ZMYM1: variants seen among roughly 807,000 people sequenced by gnomAD.
The protein encoded by ZMYM1 is zinc finger MYM-type containing 1.
A neutral mutation model predicts 60.0 loss-of-function variants in ZMYM1; 39 were observed. The observed-to-expected ratio is 0.65, with a 90% CI of 0.50 to 0.85. The LOEUF (loss-of-function observed/expected upper bound fraction) is 0.85, where lower values mean the gene tolerates loss of function less well. Ranked by LOEUF, ZMYM1 falls within the 40% of genes least tolerant of loss-of-function variation. The pLI is 0.00. For missense variants in ZMYM1, 1,171 were observed against 1,309.5 expected, an observed-to-expected ratio of 0.89 and a Z score of 1.63; for synonymous variants, 413 against 454.0, an observed-to-expected ratio of 0.91 and a Z score of 1.15.
chr1:35,091,508 G>T (rs369982329), intron 1 of ZMYM1, among the ~76,000 whole-genome samples: 112 of 152,068 alleles, frequency 7.4e-4, no homozygotes, highest in African/African-American at 2.6e-3. Context: ...CCACTGCCCC[G>T]GCCAAGTGGA....
At chr1:35,103,756 G>A (rs1168856317) in intron 4 of ZMYM1, among the ~76,000 whole-genome samples, 1 of 152,140 alleles carries the variant, frequency 6.6e-6, no homozygotes, top group African/African-American at 2.4e-5. Flanking sequence ...CGGTGAAAAA[G>A]CAAATAACAT....
At chr1:35,103,020 A>C (rs1246896083) in intron 4 of ZMYM1, among the ~76,000 whole-genome samples, 3 of 152,216 alleles carry the variant, frequency 2.0e-5, no homozygotes, top group Non-Finnish European at 4.4e-5. Flanking sequence ...GAATAACATG[A>C]ATATTAGCAC....
intron 6 of ZMYM1, 137 bp downstream of exon 6, chr1:35,104,906 A>G (rs1269781550): frequency 3.1e-6 from 2 of 640,396 alleles, no homozygotes; most frequent in East Asian, 2.8e-5. Flanking sequence ...AAGGCTTTTA[A>G]CGGTTTCTTC....
At chr1:35,116,656 C>T (rs965109324), downstream of ZMYM1, among the ~76,000 whole-genome samples, 4 of 151,762 alleles carry the variant, frequency 2.6e-5, no homozygotes, top group Non-Finnish European at 5.9e-5. Flanking sequence ...TGGGGTTTCA[C>T]CATGTTAGCC....
intron 1 of ZMYM1, among the ~76,000 whole-genome samples, chr1:35,061,270 C>T (rs1427406247): frequency 6.6e-6 from 1 of 152,176 alleles, no homozygotes; most frequent in East Asian, 1.9e-4. Context: ...TTAATCCTCA[C>T]CATAACTCAA....
intron 1 of ZMYM1, among the ~76,000 whole-genome samples, chr1:35,084,540 T>C (rs181306087): frequency 2.6e-5 from 4 of 152,354 alleles, no homozygotes; most frequent in African/African-American, 9.6e-5. Flanking sequence ...TGTCCTTTCT[T>C]CTTGGAAGTG....
intron 1 of ZMYM1, among the ~76,000 whole-genome samples, chr1:35,083,741 T>C (rs1403585324): frequency 1.3e-5 from 2 of 152,084 alleles, no homozygotes; most frequent in Non-Finnish European, 2.9e-5. Flanking sequence ...AGCCTCAGCC[T>C]CCCACATAGC....
In ZMYM1 at chr1:35,097,303, TTG is replaced by T. The variant is rs373707884; in HGVS notation, c.170-10_170-9del. The T allele has an allele frequency of 4.0e-4, 633 of 1,564,746 alleles. 5 individuals carry two copies. In the African/African-American group the frequency reaches 5.6e-3, roughly 14 times the overall value. ...AAATAACAATTTTTTTTTCTCCCTCTTGTGTTTTTATAGCTTCACAGTTGACT... is the reference window on the plus strand; with the variant it reads ...AAATAACAATTTTTTTTTCTCCCTCTTGTTTTTATAGCTTCACAGTTGACT... On this transcript the variant is annotated splice_polypyrimidine_tract_variant and intron_variant, in intron 3 of 9. Coordinates refer to ENST00000359858, the MANE Select transcript of ZMYM1 (RefSeq NM_024772.5).
chr1:35,106,977 G>A (rs1643911390), intron 6 of ZMYM1, among the ~76,000 whole-genome samples: 1 of 151,582 alleles, frequency 6.6e-6, no homozygotes, highest in South Asian at 2.1e-4. Flanking sequence ...TCAGCCTCGC[G>A]AGCAGCTGGG....
intron 1 of ZMYM1, among the ~76,000 whole-genome samples, chr1:35,091,857 C>T (rs1643024379): frequency 7.6e-6 from 1 of 131,384 alleles, no homozygotes; most frequent in South Asian, 2.5e-4. Context: ...GATAGTGCCA[C>T]TGCCTGAGTG....
rs1643396587 is a variant in ZMYM1, at chr1:35,097,482, T to C, written c.335T>C (p.Phe112Ser). Reference sequence around the variant, plus strand: ...CAGAGGAAAGGATCTGCTCAACTTTTCTGCTCCATACCATGCATCACTGAA... The same window carrying C: ...CAGAGGAAAGGATCTGCTCAACTTTCCTGCTCCATACCATGCATCACTGAA... Reference protein sequence around the residue: ...AYQRKGSAQLFCSIPCITEYI... With the variant: ...AYQRKGSAQLSCSIPCITEYI... Residue 112 changes from phenylalanine to serine, a missense_variant, in exon 4 of 10, where the codon TTC becomes TCC. Transcript: ENST00000359858. 1 of 1,614,094 alleles carries C rather than the reference T, an allele frequency of 6.2e-7. No homozygotes were observed.
chr1:35,095,439 C>T (rs964574944), intron 2 of ZMYM1, among the ~76,000 whole-genome samples: 4 of 145,656 alleles, frequency 2.7e-5, no homozygotes, highest in Admixed American at 1.4e-4. Flanking sequence ...TATAGTGAGA[C>T]GAGATCGCGT....
chr1:35,074,845 A>G (rs59940076), upstream of ZMYM1, among the ~76,000 whole-genome samples: 24,471 of 137,426 alleles, frequency 0.18, 4,184 homozygotes, highest in African/African-American at 0.44. Context: ...CTGGTGTTGG[A>G]CACATATATA....
At chr1:35,094,320 T>A (rs1309587760) in intron 2 of ZMYM1, among the ~76,000 whole-genome samples, 1 of 152,240 alleles carries the variant, frequency 6.6e-6, no homozygotes, top group Admixed American at 6.5e-5. Flanking sequence ...AAGGATTGTT[T>A]AGGGTGTTGT....
chr1:35,116,835 A>ATTTTTT (rs10671957), downstream of ZMYM1, among the ~76,000 whole-genome samples: 65 of 88,962 alleles, frequency 7.3e-4, 12 homozygotes, highest in Admixed American at 1.9e-3. Flanking sequence ...TAGGCCTGGA[A>ATTTTTT]TTTTTTTTTT....
chr1:35,114,003 A>C lies in ZMYM1; in HGVS notation c.2173A>C (p.Lys725Gln). Reference sequence around the variant, plus strand: ...TGATAGCACCACTAATTTGAAGATAAAATTTAATAAAATAGCAGCAGAATT... The same window carrying C: ...TGATAGCACCACTAATTTGAAGATACAATTTAATAAAATAGCAGCAGAATT... ...AYDSTTNLKI[K>Q]FNKIAAEFKK... Residue 725 changes from lysine (K) to glutamine (Q), a missense_variant, in exon 10 of 10, where the codon AAA becomes CAA. By Grantham distance (53) the Lys-to-Gln change is moderately conservative (BLOSUM62 1). Transcript: ENST00000359858. 1 of 1,606,714 alleles carries C rather than the reference A, an allele frequency of 6.2e-7. No homozygotes were observed. The highest frequency in any genetic ancestry group is 8.5e-7 in the Non-Finnish European group (1 of 1,178,266).
intron 1 of ZMYM1, chr1:35,093,484 A>G (rs1208241961): frequency 6.6e-6 from 1 of 152,342 alleles, no homozygotes; most frequent in Non-Finnish European, 1.5e-5. Flanking sequence ...ATTAGTAGAG[A>G]TGGGGTTTCA....
At chr1:35,098,406 C>T (rs1221826843) in intron 4 of ZMYM1, among the ~76,000 whole-genome samples, 1 of 152,124 alleles carries the variant, frequency 6.6e-6, no homozygotes, top group East Asian at 1.9e-4. Context: ...TTAGGATATG[C>T]TAATTTTTAA....
At chr1:35,108,061 G>A (rs900510430) in intron 6 of ZMYM1, among the ~76,000 whole-genome samples, 3 of 151,974 alleles carry the variant, frequency 2.0e-5, no homozygotes, top group Non-Finnish European at 2.9e-5. Context: ...GTAGTGAGCC[G>A]AGATCATACC....
Sources: allele counts gnomAD v4.1 joint callset (sites outside exome capture counted in the v4.1 genomes callset), GRCh38; gene constraint gnomAD v4.1.1; transcripts MANE v1.5; gene names NCBI Gene and HGNC (gene_info 2026-07-23, HGNC 2026-07-21).